LMBRD2: variants seen among roughly 807,000 people sequenced by gnomAD.
LMBRD2 encodes LMBR1 domain containing 2.
LMBRD2 carries 55 observed loss-of-function variants against 94.4 expected under a neutral mutation model. That is an observed-to-expected ratio of 0.58 (90% CI 0.47 to 0.73). LMBRD2 has a LOEUF of 0.73. Ranked by LOEUF, LMBRD2 falls within the 30% of genes least tolerant of loss-of-function variation. The probability of loss-of-function intolerance (pLI) is 0.00; values close to 1 mark genes in which losing one functional copy is unlikely to be tolerated. For missense variants in LMBRD2, 640 were observed against 831.9 expected (o/e 0.77, Z 2.84); for synonymous variants, 246 against 272.4 (o/e 0.90, Z 0.95).
intron 9 of LMBRD2, among the ~76,000 whole-genome samples, chr5:36,120,294 G>A (rs563186650): frequency 6.6e-6 from 1 of 152,084 alleles, no homozygotes; most frequent in South Asian, 2.1e-4. Context: ...CCGAGTAGCT[G>A]GGACTACAGG....
chr5:36,138,771 C>A (rs1217830314), intron 4 of LMBRD2, among the ~76,000 whole-genome samples: 1 of 152,216 alleles, frequency 6.6e-6, no homozygotes, highest in Middle Eastern at 3.2e-3. Flanking sequence ...GGAAAGGAAT[C>A]TGAATTGAGA....
At chr5:36,137,204 G>T (rs564631832) in intron 5 of LMBRD2, 70 bp downstream of exon 5, 3 of 1,061,570 alleles carry the variant, frequency 2.8e-6, no homozygotes, top group Non-Finnish European at 4.0e-6. Flanking sequence ...CTGCACATAT[G>T]AAATTAAAAA....
At chr5:36,108,762 T>C (rs1035630731) in intron 15 of LMBRD2, 123 bp from the exon 16 acceptor site, 3 of 425,422 alleles carry the variant, frequency 7.1e-6, no homozygotes, top group Non-Finnish European at 1.2e-5. Context: ...ATAATTATCC[T>C]AGTATCTTTA....
intron 16 of LMBRD2, among the ~76,000 whole-genome samples, chr5:36,106,779 C>T (rs1743482582): frequency 6.6e-6 from 1 of 152,014 alleles, no homozygotes; most frequent in Non-Finnish European, 1.5e-5. Flanking sequence ...CAGGCATAAG[C>T]CACCGCGCCT....
chr5:36,143,466 T>C, intron 1 of LMBRD2, 60 bp from the exon 2 acceptor site: 1 of 657,988 alleles, frequency 1.5e-6, no homozygotes, highest in Non-Finnish European at 2.5e-6. Context: ...ATTTGGAAAT[T>C]TCATCTGAAT....
chr5:36,114,798 C>A (rs1029261887), intron 12 of LMBRD2, among the ~76,000 whole-genome samples: 1 of 151,974 alleles, frequency 6.6e-6, no homozygotes, highest in Non-Finnish European at 1.5e-5. Context: ...TGATACTGGT[C>A]AGCTAGACAA....
chr5:36,146,694 G>A (rs543533091), intron 1 of LMBRD2, among the ~76,000 whole-genome samples: 1 of 152,212 alleles, frequency 6.6e-6, no homozygotes, highest in Admixed American at 6.5e-5. Flanking sequence ...AGTTCTTTAT[G>A]GTTATAGGAC....
At chr5:36,136,541 T>G in intron 5 of LMBRD2, 22 bp from the exon 6 acceptor site, 1 of 1,586,786 alleles carries the variant, frequency 6.3e-7, no homozygotes, top group Non-Finnish European at 8.7e-7. Flanking sequence ...AAACAACAGA[T>G]AATATGTATA....
At chr5:36,120,923 T>C (rs758600743) in intron 9 of LMBRD2, among the ~76,000 whole-genome samples, 1 of 152,178 alleles carries the variant, frequency 6.6e-6, no homozygotes, top group Non-Finnish European at 1.5e-5. Flanking sequence ...TTACTTCTCA[T>C]CCACCTAATC....
rs755009486 is a variant in LMBRD2, at chr5:36,115,202, CA to C, written c.1437-83del. 2.6e-5 allele frequency: 20 copies of C among 764,806 alleles called. 1 individual carries two copies. The highest frequency in any genetic ancestry group is 3.7e-5 in the Non-Finnish European group (18 of 484,690). The allele number at this position is 764,806 out of a possible 1,614,324, so 47.4% of individuals were successfully genotyped here. ...ATAGTATACTGAGATGTATTAAAAA[CA>C]TTTCAGATAATTATAGCTAAAATTT... On this transcript the variant is annotated intron_variant, in intron 11 of 17. Coordinates refer to ENST00000296603, the MANE Select transcript of LMBRD2 (RefSeq NM_001007527.2).
At chr5:36,119,353 C>T (rs1287249267) in intron 9 of LMBRD2, among the ~76,000 whole-genome samples, 1 of 152,128 alleles carries the variant, frequency 6.6e-6, no homozygotes, top group Non-Finnish European at 1.5e-5. Context: ...TCATCTAGTA[C>T]AGTATTTCAA....
intron 6 of LMBRD2, among the ~76,000 whole-genome samples, chr5:36,134,555 A>G (rs886982817): frequency 6.6e-6 from 1 of 152,118 alleles, no homozygotes; most frequent in Non-Finnish European, 1.5e-5. Context: ...CTTACAAAAC[A>G]ATGAAGTTTG....
intron 3 of LMBRD2, 102 bp downstream of exon 3, chr5:36,142,400 G>A: frequency 4.9e-6 from 3 of 613,096 alleles, no homozygotes; most frequent in East Asian, 2.9e-5. Context: ...TAGAGAATGA[G>A]GATAACTTAC....
rs562839205 is a variant in LMBRD2 at position 36,137,177 on chromosome 5, A to G, written c.536+97T>C. 3.3e-5 allele frequency: 25 copies of G among 746,814 alleles called. No homozygotes were observed. The East Asian group carries it at 6.5e-4, about 19-fold the overall frequency. The allele number at this position is 746,814 out of a possible 1,614,324, so 46.3% of individuals were successfully genotyped here. On this transcript the variant is annotated intron_variant, in intron 5 of 17. Transcript: ENST00000296603. The stretch of plus-strand genomic sequence containing the variant: ...AAAATATGTAACAATATATTTCTCA[A>G]TGAAATGTCTTTTTACCTGCACATA...
At chr5:36,128,861 G>A (rs181613219) in intron 6 of LMBRD2, among the ~76,000 whole-genome samples, 1 of 152,294 alleles carries the variant, frequency 6.6e-6, no homozygotes, top group Admixed American at 6.5e-5. Flanking sequence ...CACAGAGAAG[G>A]AATTCAGAAT....
intron 4 of LMBRD2, among the ~76,000 whole-genome samples, chr5:36,140,008 C>T (rs560405075): frequency 2.6e-4 from 40 of 152,314 alleles, no homozygotes; most frequent in Non-Finnish European, 4.1e-4. Flanking sequence ...TTGCAGGTGA[C>T]GAGAAGAGAA....
chr5:36,146,194 AATT>A (rs765031503), intron 1 of LMBRD2, among the ~76,000 whole-genome samples: 3 of 152,220 alleles, frequency 2.0e-5, no homozygotes, highest in Non-Finnish European at 4.4e-5. Context: ...TGCTGTAACA[AATT>A]ACTACAAACT....
At chr5:36,136,258 G>C in intron 6 of LMBRD2, 51 bp downstream of exon 6, 1 of 1,538,366 alleles carries the variant, frequency 6.5e-7, no homozygotes, top group African/African-American at 1.4e-5. Flanking sequence ...TGACTAAAAG[G>C]GGATACATAT....
chr5:36,122,036 G>T (rs1294375987), intron 9 of LMBRD2, among the ~76,000 whole-genome samples: 3 of 152,096 alleles, frequency 2.0e-5, no homozygotes, highest in Non-Finnish European at 4.4e-5. Flanking sequence ...AAATATGCTT[G>T]ATGTATACAT....
Sources: gnomAD v4.1 joint callset for allele counts (sites outside exome capture counted in the v4.1 genomes callset) on GRCh38, gnomAD v4.1.1 for gene constraint, MANE v1.5 for transcripts, NCBI Gene and HGNC (gene_info 2026-07-23, HGNC 2026-07-21) for gene names.